The following CSMD1 variants were observed in gnomAD, a reference collection of about 807,000 sequenced individuals.
CSMD1 encodes the protein CUB and Sushi multiple domains 1.
In CSMD1, 213 loss-of-function variants were observed where a neutral mutation model predicts 417.5. The ratio of observed to expected loss-of-function variants is 0.51; its 90% CI spans 0.46 to 0.57. CSMD1 has a LOEUF of 0.57. Ranked by LOEUF, CSMD1 falls within the 20% of genes least tolerant of loss-of-function variation. The pLI is 0.00. For missense variants in CSMD1, 6,923 were observed against 4,529.7 expected, an observed-to-expected ratio of 1.53 and a Z score of -15.17; for synonymous variants, 2,862 against 1,736.8, an observed-to-expected ratio of 1.65 and a Z score of -16.11.
At chr8:4,323,095 T>A (rs369343558) in intron 3 of CSMD1, among the ~76,000 whole-genome samples, 11 of 151,224 alleles carry the variant, frequency 7.3e-5, no homozygotes, top group South Asian at 6.4e-4. Flanking sequence ...AATGGAAAAA[T>A]CATATGATTT....
chr8:4,062,683 C>T (rs888996034), intron 3 of CSMD1, among the ~76,000 whole-genome samples: 4 of 151,828 alleles, frequency 2.6e-5, no homozygotes, highest in Non-Finnish European at 5.9e-5. Flanking sequence ...TGTGCAAGAC[C>T]CATGATGGCA....
At chr8:3,863,511 G>T (rs1804871330) in intron 5 of CSMD1, among the ~76,000 whole-genome samples, 1 of 151,804 alleles carries the variant, frequency 6.6e-6, no homozygotes, top group Admixed American at 6.6e-5. Flanking sequence ...ATCAGATATT[G>T]GGCTCCAACA....
At chr8:3,969,605 G>T (rs1321458775) in intron 5 of CSMD1, among the ~76,000 whole-genome samples, 2 of 152,014 alleles carry the variant, frequency 1.3e-5, no homozygotes, top group African/African-American at 2.4e-5. Flanking sequence ...ATCGTAACTT[G>T]ACATAAAATT....
chr8:4,909,825 T>C (rs143522269), intron 1 of CSMD1, among the ~76,000 whole-genome samples: 4,469 of 152,278 alleles, frequency 0.029, 66 homozygotes, highest in Middle Eastern at 0.088. Flanking sequence ...CATTTCCAGG[T>C]GGCAATTTAA....
intron 5 of CSMD1, among the ~76,000 whole-genome samples, chr8:3,784,881 T>G (rs73172218): frequency 6.6e-6 from 1 of 152,314 alleles, no homozygotes; most frequent in East Asian, 1.9e-4. Context: ...AACATTTGCT[T>G]AAAATTGTAC....
chr8:3,930,491 T>G (rs1417044620), intron 5 of CSMD1, among the ~76,000 whole-genome samples: 1 of 150,524 alleles, frequency 6.6e-6, no homozygotes, highest in African/African-American at 2.5e-5. Flanking sequence ...ACAAGTTACT[T>G]CCTCCTTCCT....
chr8:4,306,529 T>C (rs1798258377), intron 3 of CSMD1, among the ~76,000 whole-genome samples: 1 of 152,226 alleles, frequency 6.6e-6, no homozygotes, highest in African/African-American at 2.4e-5. Context: ...CTGCTCATCT[T>C]GAAGACAAAA....
intron 5 of CSMD1, among the ~76,000 whole-genome samples, chr8:3,913,758 G>A (rs1382062569): frequency 6.6e-6 from 1 of 152,138 alleles, no homozygotes; most frequent in African/African-American, 2.4e-5. Flanking sequence ...CACAGGATGA[G>A]TTCTTAAAGA....
chr8:3,108,686 G>A lies in CSMD1; in HGVS notation c.6671C>T (p.Thr2224Met), dbSNP rs199914130. ...GACTTGGTTGGTGGAGCTATACGCC[G>A]TTTCGAGGGCTGTGTTGCCACTGAA... ...GVFSGNTALETAYSSTNQVLL... is the reference protein window; with the variant it reads ...GVFSGNTALEMAYSSTNQVLL... Residue 2224 changes from threonine (T) to methionine (M), a missense_variant, in exon 44 of 70, where the codon ACG becomes ATG. Physicochemically the swap from Thr to Met is moderately conservative, Grantham distance 81 (BLOSUM62 -1). Transcript: ENST00000635120. 268 of 1,613,560 alleles carry A rather than the reference G, an allele frequency of 1.7e-4. No homozygotes were observed. Among genetic ancestry groups the A allele is most frequent in the Admixed American group, 6.7e-4 (40 of 59,964 alleles).
intron 5 of CSMD1, among the ~76,000 whole-genome samples, chr8:3,955,011 G>A (rs1361058523): frequency 1.3e-5 from 2 of 152,172 alleles, no homozygotes; most frequent in Admixed American, 6.5e-5. Context: ...ATCAGGAAAT[G>A]GCCTCTCCTT....
At chr8:3,402,831 G>GT (rs1812122131) in intron 15 of CSMD1, among the ~76,000 whole-genome samples, 1 of 151,532 alleles carries the variant, frequency 6.6e-6, no homozygotes, top group African/African-American at 2.4e-5. Flanking sequence ...ATTTATTTTT[G>GT]TTTTTTCTAA....
At chr8:4,550,817 T>A (rs75361004) in intron 2 of CSMD1, among the ~76,000 whole-genome samples, 2 of 152,094 alleles carry the variant, frequency 1.3e-5, no homozygotes, top group Non-Finnish European at 2.9e-5. Flanking sequence ...CCACCACCAA[T>A]TGGTCCAAGT....
At chr8:4,425,373 G>T (rs1203882203) in intron 2 of CSMD1, among the ~76,000 whole-genome samples, 1 of 111,538 alleles carries the variant, frequency 9.0e-6, no homozygotes, top group African/African-American at 3.9e-5. Flanking sequence ...ATTCTTATTT[G>T]TGTGCCAAAA....
chr8:3,931,415 T>G (rs1810128922), intron 5 of CSMD1, among the ~76,000 whole-genome samples: 1 of 150,524 alleles, frequency 6.6e-6, no homozygotes, highest in Admixed American at 6.6e-5. Flanking sequence ...TTCTGGGTAT[T>G]GTGGAAAAAA....
chr8:3,558,419 AAT>A (rs1799284937), intron 10 of CSMD1, among the ~76,000 whole-genome samples: 2 of 150,420 alleles, frequency 1.3e-5, no homozygotes, highest in Admixed American at 6.6e-5. Flanking sequence ...ACGGTGCCTC[AAT>A]GGTACCCCGT....
At chr8:3,736,267 G>A (rs780091752) in intron 6 of CSMD1, among the ~76,000 whole-genome samples, 1 of 151,704 alleles carries the variant, frequency 6.6e-6, no homozygotes, top group African/African-American at 2.4e-5. Context: ...TTTTTGACAG[G>A]GTCTCACTGT....
At chr8:4,081,926 A>C (rs1175206116) in intron 3 of CSMD1, among the ~76,000 whole-genome samples, 1 of 152,210 alleles carries the variant, frequency 6.6e-6, no homozygotes, top group Non-Finnish European at 1.5e-5. Context: ...TGTAGCTTAA[A>C]TACTTATATT....
At chr8:4,396,892 G>C (rs918712880) in intron 3 of CSMD1, among the ~76,000 whole-genome samples, 2 of 152,042 alleles carry the variant, frequency 1.3e-5, no homozygotes, top group South Asian at 4.1e-4. Flanking sequence ...AAGGGTGGGA[G>C]GCAGATGGGA....
chr8:3,896,987 T>G (rs1807416088), intron 5 of CSMD1, among the ~76,000 whole-genome samples: 1 of 151,986 alleles, frequency 6.6e-6, no homozygotes, highest in Admixed American at 6.6e-5. Flanking sequence ...AGATAGCAAT[T>G]CTAGTTTTCC....
Sources: allele counts gnomAD v4.1 joint callset (sites outside exome capture counted in the v4.1 genomes callset), GRCh38; gene constraint gnomAD v4.1.1; transcripts MANE v1.5; gene names NCBI Gene and HGNC (gene_info 2026-07-23, HGNC 2026-07-21).